Variants in FHAD1 observed in about 807,000 individuals in gnomAD.
FHAD1 encodes the protein forkhead-associated domain-containing protein 1.
In FHAD1, 146 loss-of-function variants were observed where a neutral mutation model predicts 191.3. That is an observed-to-expected ratio of 0.76 (90% CI 0.67 to 0.88). FHAD1 has a LOEUF of 0.88. FHAD1 is among the 40% of genes least tolerant of loss of function. The probability of loss-of-function intolerance (pLI) is 0.00; values close to 1 mark genes in which losing one functional copy is unlikely to be tolerated. For missense variants in FHAD1, 1,635 were observed against 1,785.8 expected (o/e 0.92, Z 1.52); for synonymous variants, 616 against 672.3 (o/e 0.92, Z 1.29).
chr1:15,381,404 GA>G lies in FHAD1; in HGVS notation c.3978del (p.Glu1327ArgfsTer4), dbSNP rs1480811497. ...CCCAACTCAAGAACCAGCTGGGGAG[GA>G]AAGAGGAGCTGTTGAGAGGATATGA... ...ITQLKNQLGR[K>X]EELLRGYEKD... is the part of the protein sequence containing the mutation. On this transcript the variant is annotated frameshift_variant, in exon 30 of 34. Transcript: ENST00000688493. LOFTEE classifies it high-confidence loss of function. The surrounding 1 kb of genome is among the most constrained non-coding windows in gnomAD (Gnocchi z 4.6). 3 of 1,551,750 alleles carry G rather than the reference GA, an allele frequency of 1.9e-6. No individual in the cohort carries two copies. Among genetic ancestry groups the G allele is most frequent in the Non-Finnish European group, 1.7e-6 (2 of 1,147,006 alleles).
In FHAD1 at chr1:15,289,141, G is replaced by A. The variant is rs1372759137; in HGVS notation, c.301-258G>A. ...CTGGGACTACAGGCATAGGCCACAA[G>A]GCCCAGCTAATTTTTGAATTTTTGG... On this transcript the variant is annotated intron_variant, in intron 3 of 33. Coordinates refer to ENST00000688493, the MANE Select transcript of FHAD1 (RefSeq NM_001391957.1). The surrounding 1 kb of genome is among the most constrained non-coding windows in gnomAD (Gnocchi z 4.2). Among the ~76,000 whole-genome samples, 1 of 152,124 alleles carries A rather than the reference G, an allele frequency of 6.6e-6. No homozygotes were observed. The highest frequency in any genetic ancestry group is 2.4e-5 in the African/African-American group (1 of 41,434).
chr1:15,243,184 A>G (rs79705544), upstream of FHAD1, among the ~76,000 whole-genome samples: 30 of 152,374 alleles, frequency 2.0e-4, 1 homozygote, highest in East Asian at 5.6e-3. Flanking sequence ...TGCCACGGGA[A>G]AAGGCAAGGA....
chr1:15,357,956 C>T, intron 20 of FHAD1, 154 bp from the exon 21 acceptor site: 1 of 579,120 alleles, frequency 1.7e-6, no homozygotes. Flanking sequence ...ATAATTGGAA[C>T]CTTCCAGAGA....
At chr1:15,313,411 C>T (rs1672927273) in intron 8 of FHAD1, among the ~76,000 whole-genome samples, 1 of 152,178 alleles carries the variant, frequency 6.6e-6, no homozygotes, top group South Asian at 2.1e-4. Flanking sequence ...ATTCTTTGCA[C>T]CTTTTCAAAG....
intron 33 of FHAD1, among the ~76,000 whole-genome samples, chr1:15,392,435 G>A (rs1570650688): frequency 6.6e-6 from 1 of 152,166 alleles, no homozygotes; most frequent in East Asian, 1.9e-4. Flanking sequence ...GGGAGGCTGA[G>A]ACAGGAGAAT....
At position 15,384,634 on chromosome 1, in the gene FHAD1, C is replaced by CG. The variant is rs1210614010; in HGVS notation, c.4188+2444dup. On this transcript the variant is annotated intron_variant, in intron 31 of 33. Transcript: ENST00000688493. ...GCGGGCTGGCCAGCCTTCCACCGAG[C>CG]GGGAGGAGGAAGGTCCGAAGCGGCC... is the stretch of plus-strand genomic sequence containing the variant. 11 of 152,294 alleles carry CG rather than the reference C, an allele frequency of 7.2e-5. No individual in the cohort carries two copies. In the South Asian group the frequency reaches 2.3e-3, roughly 32 times the overall value. The allele number at this position is 152,294 out of a possible 1,614,324, so 9.4% of individuals were successfully genotyped here.
At chr1:15,339,787 A>G (rs1169785749) in intron 15 of FHAD1, among the ~76,000 whole-genome samples, 1 of 152,160 alleles carries the variant, frequency 6.6e-6, no homozygotes, top group Non-Finnish European at 1.5e-5. Flanking sequence ...TGGGCCAACC[A>G]CACTGTTTGT....
intron 1 of FHAD1, among the ~76,000 whole-genome samples, chr1:15,250,471 TG>T (rs1430494065): frequency 2.6e-5 from 4 of 152,230 alleles, no homozygotes; most frequent in Non-Finnish European, 5.9e-5. Flanking sequence ...GCTCATTATC[TG>T]CTTCTTTCAG....
chr1:15,383,014 A>G lies in FHAD1; in HGVS notation c.4188+821A>G, dbSNP rs369692253. The G allele has an allele frequency of 4.9e-4, 223 of 451,980 alleles. 1 individual carries two copies. The highest frequency in any genetic ancestry group is 3.5e-3 in the African/African-American group (176 of 49,736). 28.0% of individuals were successfully genotyped at this position (451,980 alleles called of 1,614,324 possible). A position where few individuals can be genotyped will look rare whatever the true frequency, so the allele number is the denominator to read the frequency against. ...GGTCCCCCTCCCACCACACACACAC[A>G]CGCGCACGCGCACACACTCTGGTAT... On this transcript the variant is annotated intron_variant, in intron 31 of 33. Coordinates refer to ENST00000688493, the MANE Select transcript of FHAD1 (RefSeq NM_001391957.1).
At chr1:15,291,794 C>A (rs1416315495) in intron 4 of FHAD1, among the ~76,000 whole-genome samples, 1 of 152,094 alleles carries the variant, frequency 6.6e-6, no homozygotes, top group African/African-American at 2.4e-5. Context: ...CTGGGTAGTT[C>A]ACTCACATCC....
upstream of FHAD1, among the ~76,000 whole-genome samples, chr1:15,244,120 C>CT (rs1645719332): frequency 6.6e-6 from 1 of 151,942 alleles, no homozygotes; most frequent in Non-Finnish European, 1.5e-5. The surrounding 1 kb of genome is among the most constrained non-coding windows in gnomAD (Gnocchi z 5.1). Context: ...AACTCTCTTA[C>CT]TCAGCCCAGG....
At chr1:15,332,338 G>C (rs1206385442) in intron 14 of FHAD1, among the ~76,000 whole-genome samples, 1 of 152,130 alleles carries the variant, frequency 6.6e-6, no homozygotes, top group Admixed American at 6.5e-5. Flanking sequence ...CGTGTGCACT[G>C]TCCCCTTCCC....
chr1:15,342,635 G>C (rs1057248029), intron 16 of FHAD1, among the ~76,000 whole-genome samples: 1 of 152,116 alleles, frequency 6.6e-6, no homozygotes, highest in Non-Finnish European at 1.5e-5. Flanking sequence ...TATTTAATGA[G>C]CTGATTCTCA....
At chr1:15,330,731 G>A (rs1296433121) in intron 14 of FHAD1, among the ~76,000 whole-genome samples, 1 of 152,176 alleles carries the variant, frequency 6.6e-6, no homozygotes, top group East Asian at 1.9e-4. Context: ...GAGAGCACAA[G>A]GGGCTAACAG....
chr1:15,356,646 A>G (rs1346080872), intron 20 of FHAD1, among the ~76,000 whole-genome samples: 1 of 152,110 alleles, frequency 6.6e-6, no homozygotes, highest in African/African-American at 2.4e-5. Flanking sequence ...TCGAGGTGGG[A>G]AGATCACCTG....
intron 1 of FHAD1, among the ~76,000 whole-genome samples, chr1:15,240,960 A>C (rs112984174): frequency 8.3e-5 from 1 of 11,980 alleles, no homozygotes; most frequent in Non-Finnish European, 1.4e-4. Flanking sequence ...CTATCTCAAA[A>C]AAAAAAAAAA....
chr1:15,337,037 A>T (rs768058634), intron 14 of FHAD1, among the ~76,000 whole-genome samples: 23 of 152,324 alleles, frequency 1.5e-4, no homozygotes, highest in South Asian at 4.1e-4. Flanking sequence ...TGTTTTCCAC[A>T]CGGACGCCTC....
Position 15,289,556 on chromosome 1 carries a change from C to T in FHAD1, c.458C>T (p.Pro153Leu). The change falls in exon 4 of 34, where the codon CCC (proline) becomes CTC (leucine). Residue 153 changes from proline (P) to leucine (L), a missense_variant. By Grantham distance (98) the Pro-to-Leu change is moderately conservative. Coordinates refer to ENST00000688493, the MANE Select transcript of FHAD1 (RefSeq NM_001391957.1). This position sits in a 1 kb window ranked among gnomAD's most constrained non-coding sequence, Gnocchi z 4.2. ...PMQRSWSQAF[P>L]RPTVVLPASH... The stretch of plus-strand genomic sequence containing the variant: ...CAAAGGAGCTGGTCCCAGGCCTTTC[C>T]CAGACCCACCGTGGTCCTGCCGGCC... 6.4e-7 allele frequency: 1 copy of T among 1,551,804 alleles called. No homozygotes were observed. The highest frequency in any genetic ancestry group is 2.4e-5 in the East Asian group (1 of 40,908).
intron 3 of FHAD1, among the ~76,000 whole-genome samples, chr1:15,279,972 G>C (rs1353910584): frequency 6.6e-6 from 1 of 152,176 alleles, no homozygotes; most frequent in Non-Finnish European, 1.5e-5. Context: ...TAGGAGCTTG[G>C]GGTAAGAAAA....
Sources: allele counts gnomAD v4.1 joint callset (sites outside exome capture counted in the v4.1 genomes callset), GRCh38; gene constraint gnomAD v4.1.1; non-coding constraint Gnocchi (gnomAD v3.1); transcripts MANE v1.5; gene names NCBI Gene and HGNC (gene_info 2026-07-23, HGNC 2026-07-21).